GLYATL2: variants seen among roughly 807,000 people sequenced by gnomAD.
GLYATL2 encodes the protein glycine N-acyltransferase-like protein 2.
A neutral mutation model predicts 21.4 loss-of-function variants in GLYATL2; 25 were observed. That is an observed-to-expected ratio of 1.17 (90% CI 0.85 to 1.63). GLYATL2 has a LOEUF of 1.63. GLYATL2 is among the 40% of genes most tolerant of loss of function. The pLI is 0.00. For missense variants in GLYATL2, 361 were observed against 343.3 expected (o/e 1.05, Z -0.41); for synonymous variants, 114 against 118.2 (o/e 0.96, Z 0.23).
upstream of GLYATL2, among the ~76,000 whole-genome samples, chr11:58,906,071 G>A (rs1854873618): frequency 6.6e-6 from 1 of 152,214 alleles, no homozygotes; most frequent in African/African-American, 2.4e-5. Flanking sequence ...GGAGCAGCGG[G>A]CACTAGCACG....
chr11:58,897,088 CA>C (rs1854648518), intron 1 of GLYATL2, among the ~76,000 whole-genome samples: 1 of 152,200 alleles, frequency 6.6e-6, no homozygotes. Flanking sequence ...CTTGACACAG[CA>C]AACAGTCTTT....
At chr11:58,885,846 C>T (rs1854429227) in intron 1 of GLYATL2, among the ~76,000 whole-genome samples, 1 of 152,112 alleles carries the variant, frequency 6.6e-6, no homozygotes, top group African/African-American at 2.4e-5. Flanking sequence ...GGCCAATTTA[C>T]AGGAAAAGTT....
At chr11:58,864,924 A>T (rs1853998013) in intron 1 of GLYATL2, among the ~76,000 whole-genome samples, 1 of 148,968 alleles carries the variant, frequency 6.7e-6, no homozygotes, top group Non-Finnish European at 1.5e-5. Context: ...GGAAAGAACG[A>T]TGGCAGATCT....
chr11:58,889,850 C>T (rs1854509928), intron 1 of GLYATL2, among the ~76,000 whole-genome samples: 1 of 152,118 alleles, frequency 6.6e-6, no homozygotes, highest in African/African-American at 2.4e-5. Context: ...AGGAGCTTTT[C>T]ATCTGTTACC....
intron 1 of GLYATL2, among the ~76,000 whole-genome samples, chr11:58,855,222 G>A (rs1381785793): frequency 6.6e-6 from 1 of 152,152 alleles, no homozygotes; most frequent in Non-Finnish European, 1.5e-5. Flanking sequence ...TATAGCCTTA[G>A]AGAATGATAA....
rs192831914 is a variant in GLYATL2 at position 58,868,334 on chromosome 11, G to T, written n.61-29966C>A. 1.3e-4 allele frequency among the ~76,000 whole-genome samples: 19 copies of T among 148,702 alleles called. 3 individuals carry two copies. In the Admixed American group the frequency reaches 1.3e-3, roughly 10 times the overall value. ...GTACCTCAAAAAGCATCAAAGAATCGAAACTCACCAGATGATCCCATCCAG... is the reference window on the plus strand; with the variant it reads ...GTACCTCAAAAAGCATCAAAGAATCTAAACTCACCAGATGATCCCATCCAG... On this transcript the variant is annotated intron_variant and non_coding_transcript_variant, in intron 1 of 4. Transcript: ENST00000533636.
Position 58,843,483 on chromosome 11 carries a change from C to A in GLYATL2, c.-41+951G>T, listed in dbSNP as rs116086626. 7.5e-3 allele frequency among the ~76,000 whole-genome samples: 1,142 copies of A among 152,088 alleles called. 17 individuals are homozygous for A. The highest frequency in any genetic ancestry group is 0.027 in the African/African-American group (1,101 of 41,488). ...GAGCTCAGCTCCCTGAGAGTAGAAG[C>A]AGAGAAGACAAATTAAAACAAACCA... is the stretch of plus-strand genomic sequence containing the variant. On this transcript the variant is annotated intron_variant, in intron 1 of 5. Transcript: ENST00000287275.
At chr11:58,872,716 C>T (rs1430270011) in intron 1 of GLYATL2, among the ~76,000 whole-genome samples, 2 of 152,204 alleles carry the variant, frequency 1.3e-5, no homozygotes, top group Non-Finnish European at 2.9e-5. Context: ...AGTCAGGTAG[C>T]ATGATGCCTC....
intron 3 of GLYATL2, among the ~76,000 whole-genome samples, chr11:58,837,700 G>T (rs1345535537): frequency 3.3e-5 from 5 of 152,184 alleles, no homozygotes; most frequent in Non-Finnish European, 7.3e-5. Context: ...GGTGCCTAAG[G>T]TATGGAAAGA....
chr11:58,836,274 T>C (rs1853429529), intron 5 of GLYATL2, among the ~76,000 whole-genome samples: 2 of 152,208 alleles, frequency 1.3e-5, no homozygotes, highest in South Asian at 4.1e-4. Flanking sequence ...TTATAATCTG[T>C]CGTGTAGAGC....
chr11:58,834,359 T>G lies in GLYATL2; in HGVS notation c.*70A>C. The G allele has an allele frequency of 7.8e-7, 1 of 1,289,688 alleles. No individual in the cohort carries two copies. The highest frequency in any genetic ancestry group is 1.1e-6 in the Non-Finnish European group (1 of 933,634). 79.9% of individuals were successfully genotyped at this position (1,289,688 alleles called of 1,614,324 possible). ...CAGTTGCATTTTGTGCTAATGTAGA[T>G]CACAATGCTTGTGTTTGAATTAATG... On this transcript the variant is annotated 3_prime_UTR_variant, in exon 6 of 6. Coordinates refer to ENST00000287275, the MANE Select transcript of GLYATL2 (RefSeq NM_145016.4).
chr11:58,892,707 C>T (rs1854565508), intron 1 of GLYATL2: 2 of 354,146 alleles, frequency 5.6e-6, no homozygotes, highest in African/African-American at 4.3e-5. Context: ...GCTGCATTTT[C>T]AAAGTCAGTG....
At position 58,859,519 on chromosome 11, in the gene GLYATL2, C is replaced by T. The variant is rs544723246; in HGVS notation, n.61-21151G>A. Among the ~76,000 whole-genome samples the T allele has an allele frequency of 1.4e-4, 22 of 152,050 alleles. No homozygotes were observed. In the East Asian group the frequency reaches 4.2e-3, roughly 29 times the overall value. On this transcript the variant is annotated intron_variant and non_coding_transcript_variant, in intron 1 of 4. Coordinates refer to the GLYATL2 transcript ENST00000533636. ...GTTTCTTATTATTTTAAATATTAAC[C>T]TCTTTTCAGATGTATGGTTTGCAAA...
At position 58,839,658 on chromosome 11, in the gene GLYATL2, G is replaced by A; in HGVS notation, c.-40-6C>T. ...CTTTCCCTCAAGAAGATGATCTAAG[G>A]AAATAAACACAAAAACAAAAATACC... On this transcript the variant is annotated splice_polypyrimidine_tract_variant and splice_region_variant and intron_variant, in intron 1 of 5. Coordinates refer to ENST00000287275, the MANE Select transcript of GLYATL2 (RefSeq NM_145016.4). 7.0e-7 allele frequency: 1 copy of A among 1,438,486 alleles called. No individual in the cohort carries two copies. Among genetic ancestry groups the A allele is most frequent in the Non-Finnish European group, 9.6e-7 (1 of 1,037,778 alleles). 89.1% of individuals were successfully genotyped at this position (1,438,486 alleles called of 1,614,324 possible). A position where few individuals can be genotyped will look rare whatever the true frequency, so the allele number is the denominator to read the frequency against.
chr11:58,905,940 T>A (rs115318195), upstream of GLYATL2, among the ~76,000 whole-genome samples: 5,008 of 152,272 alleles, frequency 0.033, 248 homozygotes, highest in African/African-American at 0.11. Flanking sequence ...AGACTCTTCG[T>A]CCATTGGCCA....
upstream of GLYATL2, among the ~76,000 whole-genome samples, chr11:58,849,330 T>C (rs1853699235): frequency 1.3e-5 from 2 of 152,176 alleles, no homozygotes; most frequent in South Asian, 4.2e-4. Context: ...ACTACTTTTA[T>C]CCTAAATAGA....
At chr11:58,871,169 A>T (rs1304983189) in intron 1 of GLYATL2, among the ~76,000 whole-genome samples, 3 of 152,234 alleles carry the variant, frequency 2.0e-5, no homozygotes, top group Non-Finnish European at 2.9e-5. Context: ...AATTCAACAG[A>T]TGTCAAACAG....
intron 1 of GLYATL2, chr11:58,885,518 GTTA>G: frequency 2.0e-6 from 1 of 488,892 alleles, no homozygotes; most frequent in Non-Finnish European, 4.1e-6. Context: ...GTATCAGATA[GTTA>G]TTATCCAACC....
At chr11:58,872,273 A>T (rs1425691206) in intron 1 of GLYATL2, among the ~76,000 whole-genome samples, 1 of 152,140 alleles carries the variant, frequency 6.6e-6, no homozygotes, top group Non-Finnish European at 1.5e-5. Context: ...TGCTGTGCAG[A>T]AGCTCTTTAG....
Sources: gnomAD v4.1 joint callset for allele counts (sites outside exome capture counted in the v4.1 genomes callset) on GRCh38, gnomAD v4.1.1 for gene constraint, MANE v1.5 for transcripts, NCBI Gene and HGNC (gene_info 2026-07-23, HGNC 2026-07-21) for gene names.